DPYD: variants seen among roughly 807,000 people sequenced by gnomAD.
DPYD encodes the protein dihydropyrimidine dehydrogenase, also known as dihydropyrimidine dehydrogenase [NADP(+)].
In DPYD, 109 loss-of-function variants were observed where a neutral mutation model predicts 116.2. The ratio of observed to expected loss-of-function variants is 0.94; its 90% CI spans 0.80 to 1.10. DPYD has a LOEUF of 1.10. Among genes scored for constraint, DPYD ranks in the 50% least tolerant of loss-of-function variants. The probability of loss-of-function intolerance (pLI) is 0.00; values close to 1 mark genes in which losing one functional copy is unlikely to be tolerated. For synonymous variants in DPYD, 440 were observed against 432.0 expected (o/e 1.02, Z -0.23); for missense variants, 1,302 against 1,254.5 (o/e 1.04, Z -0.57).
At chr1:97,582,212 A>T (rs1210150199) in intron 10 of DPYD, among the ~76,000 whole-genome samples, 2 of 152,248 alleles carry the variant, frequency 1.3e-5, no homozygotes, top group Non-Finnish European at 2.9e-5. Flanking sequence ...AGCTACTTAC[A>T]TGACTTAGAG....
chr1:97,301,745 C>A (rs2101024009), intron 18 of DPYD, among the ~76,000 whole-genome samples: 1 of 151,990 alleles, frequency 6.6e-6, no homozygotes, highest in South Asian at 2.1e-4. Context: ...TTAGCTTATG[C>A]CATGCAGGAC....
At chr1:97,514,318 A>G (rs1172443513) in intron 13 of DPYD, 1 of 861,784 alleles carries the variant, frequency 1.2e-6, no homozygotes, top group African/African-American at 1.8e-5. Flanking sequence ...GCAAGCGAAG[A>G]AAACATCAAA....
At chr1:97,917,847 G>A (rs1041013454) in intron 1 of DPYD, among the ~76,000 whole-genome samples, 5 of 152,116 alleles carry the variant, frequency 3.3e-5, no homozygotes, top group Non-Finnish European at 7.4e-5. Context: ...GCCGGTGGAG[G>A]GGAACAAGGT....
intron 3 of DPYD, among the ~76,000 whole-genome samples, chr1:97,747,430 G>A (rs1036942627): frequency 2.0e-5 from 3 of 152,050 alleles, no homozygotes; most frequent in African/African-American, 7.2e-5. Flanking sequence ...CACTCTCCTA[G>A]GAAGCCATTC....
intron 18 of DPYD, among the ~76,000 whole-genome samples, chr1:97,264,820 T>C (rs1470269819): frequency 6.6e-6 from 1 of 152,130 alleles, no homozygotes; most frequent in Non-Finnish European, 1.5e-5. Context: ...TTGCTGTCTT[T>C]ATCCACACAT....
chr1:97,286,540 G>A (rs377371400), intron 18 of DPYD, among the ~76,000 whole-genome samples: 17 of 152,006 alleles, frequency 1.1e-4, no homozygotes, highest in Non-Finnish European at 2.2e-4. Flanking sequence ...CATTCTCCCC[G>A]TCACTTTCAG....
chr1:97,571,997 T>C (rs566274077), intron 11 of DPYD, among the ~76,000 whole-genome samples: 209 of 152,042 alleles, frequency 1.4e-3, no homozygotes, highest in South Asian at 3.3e-3. Context: ...GAATAACTTC[T>C]TATTAAAGTA....
chr1:97,753,222 T>G (rs2101105918), intron 3 of DPYD, among the ~76,000 whole-genome samples: 1 of 152,318 alleles, frequency 6.6e-6, no homozygotes, highest in South Asian at 2.1e-4. Flanking sequence ...ATTCTCATTC[T>G]AAAGAAAAAG....
intron 1 of DPYD, among the ~76,000 whole-genome samples, chr1:97,889,259 C>T (rs924544339): frequency 3.3e-5 from 5 of 151,426 alleles, no homozygotes; most frequent in South Asian, 2.1e-4. Flanking sequence ...ACTATTCACA[C>T]GAAAAAAACA....
chr1:97,634,014 C>T (rs1474024551), intron 8 of DPYD, among the ~76,000 whole-genome samples: 1 of 152,084 alleles, frequency 6.6e-6, no homozygotes, highest in African/African-American at 2.4e-5. Context: ...GAAGATAACT[C>T]TTCCTGCATC....
At chr1:97,088,293 T>C (rs1289057887) in intron 21 of DPYD, among the ~76,000 whole-genome samples, 2 of 152,194 alleles carry the variant, frequency 1.3e-5, no homozygotes, top group Non-Finnish European at 2.9e-5. Context: ...CCTAATAAAC[T>C]CTAAGTTAAC....
chr1:97,723,379 T>C (rs1351065764), intron 4 of DPYD, among the ~76,000 whole-genome samples: 2 of 151,600 alleles, frequency 1.3e-5, no homozygotes, highest in Non-Finnish European at 3.0e-5. Flanking sequence ...AGCATACTGT[T>C]CATGGCTCAA....
At chr1:97,500,281 C>T (rs1331044512) in intron 13 of DPYD, among the ~76,000 whole-genome samples, 1 of 150,090 alleles carries the variant, frequency 6.7e-6, no homozygotes, top group Non-Finnish European at 1.5e-5. Context: ...AATTAAACTA[C>T]AGGCAAAATC....
At chr1:97,765,980 A>G (rs951379271) in intron 3 of DPYD, among the ~76,000 whole-genome samples, 2 of 152,172 alleles carry the variant, frequency 1.3e-5, no homozygotes, top group African/African-American at 4.8e-5. Context: ...GCGGTGGCTC[A>G]CGCCTATAAT....
rs564326488 is a variant in DPYD, at chr1:97,805,500, T to C, written c.233+22614A>G. ...AAACATAATGATATGTAGTTGCTTATATTCAATCAATCCATGACTTTGATT... is the reference window on the plus strand; with the variant it reads ...AAACATAATGATATGTAGTTGCTTACATTCAATCAATCCATGACTTTGATT... On this transcript the variant is annotated intron_variant, in intron 3 of 22. Transcript: ENST00000370192. Among the ~76,000 whole-genome samples the C allele has an allele frequency of 5.9e-5, 9 of 152,026 alleles. No individual in the cohort carries two copies. In the Middle Eastern group the frequency reaches 0.01, roughly 172 times the overall value.
intron 20 of DPYD, among the ~76,000 whole-genome samples, chr1:97,130,556 A>G (rs1653199699): frequency 6.6e-6 from 1 of 152,110 alleles, no homozygotes; most frequent in Non-Finnish European, 1.5e-5. Flanking sequence ...TATTTAGCTT[A>G]TGACTTACAT....
chr1:97,195,535 AG>A (rs1658699769), intron 19 of DPYD, among the ~76,000 whole-genome samples: 1 of 125,414 alleles, frequency 8.0e-6, no homozygotes. Context: ...AGAGAGAGAG[AG>A]AGAGAGAGAG....
intron 1 of DPYD, among the ~76,000 whole-genome samples, chr1:97,912,548 G>A (rs1000807522): frequency 3.9e-5 from 6 of 152,096 alleles, no homozygotes; most frequent in African/African-American, 9.7e-5. Flanking sequence ...TCAATATTAC[G>A]TGGATGACTT....
At chr1:97,106,783 A>G (rs534973873) in intron 20 of DPYD, among the ~76,000 whole-genome samples, 126 of 112,756 alleles carry the variant, frequency 1.1e-3, no homozygotes, top group Non-Finnish European at 1.7e-3. Flanking sequence ...CCTGGCCTCT[A>G]TAACAACGTG....
Sources: gnomAD v4.1 joint callset for allele counts (sites outside exome capture counted in the v4.1 genomes callset) on GRCh38, gnomAD v4.1.1 for gene constraint, MANE v1.5 for transcripts, NCBI Gene and HGNC (gene_info 2026-07-23, HGNC 2026-07-21) for gene names.